The following PCCA variants were observed in gnomAD, a reference collection of about 807,000 sequenced individuals.
PCCA encodes the protein propionyl-CoA carboxylase subunit alpha.
Under a neutral mutation model 101.3 loss-of-function variants are expected in PCCA, and 74 were observed. That is an observed-to-expected ratio of 0.73 (90% CI 0.61 to 0.89). The LOEUF (loss-of-function observed/expected upper bound fraction) is 0.89. PCCA is among the 40% of genes least tolerant of loss of function. The pLI is 0.00. For synonymous variants in PCCA, 294 were observed against 313.6 expected, an observed-to-expected ratio of 0.94 and a Z score of 0.66; for missense variants, 891 against 907.0, an observed-to-expected ratio of 0.98 and a Z score of 0.23.
chr13:100,425,077 A>G (rs778231028), intron 19 of PCCA, among the ~76,000 whole-genome samples: 1 of 151,986 alleles, frequency 6.6e-6, no homozygotes, highest in Non-Finnish European at 1.5e-5. Context: ...TTCATGAAGG[A>G]TGACTGGATG....
At chr13:100,486,718 G>C (rs951456001) in intron 21 of PCCA, among the ~76,000 whole-genome samples, 1 of 152,184 alleles carries the variant, frequency 6.6e-6, no homozygotes, top group Non-Finnish European at 1.5e-5. Context: ...TTTGCGACTA[G>C]ACTGGGCAAC....
At chr13:100,299,128 C>T (rs2065858874) in intron 12 of PCCA, among the ~76,000 whole-genome samples, 1 of 152,110 alleles carries the variant, frequency 6.6e-6, no homozygotes, top group Admixed American at 6.6e-5. Flanking sequence ...TTACCTTTAG[C>T]AGCTTGTTAT....
chr13:100,239,212 AT>A (rs1218852435), intron 8 of PCCA, among the ~76,000 whole-genome samples: 1 of 152,190 alleles, frequency 6.6e-6, no homozygotes, highest in Non-Finnish European at 1.5e-5. Flanking sequence ...TTTTGTTTAC[AT>A]TTAAGGAAAC....
chr13:100,330,645 C>T lies in PCCA; in HGVS notation c.1514C>T (p.Ser505Phe), dbSNP rs746804314. The T allele has an allele frequency of 6.2e-7, 1 of 1,608,404 alleles. No individual in the cohort carries two copies. The highest frequency in any genetic ancestry group is 2.2e-5 in the East Asian group (1 of 44,748). Residue 505 changes from serine (S) to phenylalanine (F), a missense_variant, in exon 17 of 24, where the codon TCC (serine) becomes TTC (phenylalanine). Physicochemically the swap from Ser to Phe is radical, Grantham distance 155. Transcript: ENST00000376285. Reference sequence around the variant, plus strand: ...GGAGACATCAGCACTAAATTTCTCTCCGATGTGTATCCTGATGGCTTCAAA... The same window carrying T: ...GGAGACATCAGCACTAAATTTCTCTTCGATGTGTATCCTGATGGCTTCAAA... Reference protein sequence around the residue: ...VKGDISTKFLSDVYPDGFKGH... With the variant: ...VKGDISTKFLFDVYPDGFKGH...
At chr13:100,253,493 C>T (rs556123095) in intron 8 of PCCA, among the ~76,000 whole-genome samples, 1 of 152,234 alleles carries the variant, frequency 6.6e-6, no homozygotes, top group African/African-American at 2.4e-5. Context: ...GAAAGTAAGA[C>T]GCACTGGTAG....
intron 8 of PCCA, among the ~76,000 whole-genome samples, chr13:100,252,510 T>C (rs1395253772): frequency 6.6e-6 from 1 of 152,234 alleles, no homozygotes; most frequent in Non-Finnish European, 1.5e-5. Context: ...ATAAGATTCT[T>C]TATTATACAG....
Position 100,110,447 on chromosome 13 carries a change from CTTAAAG to C in PCCA, c.184-1388_184-1383del, listed in dbSNP as rs201457592. 1.5e-3 allele frequency among the ~76,000 whole-genome samples: 231 copies of C among 152,234 alleles called. 2 individuals carry two copies. The highest frequency in any genetic ancestry group is 4.8e-3 in the African/African-American group (201 of 41,524). On this transcript the variant is annotated intron_variant, in intron 2 of 23. Transcript: ENST00000376285. ...ATCAAGGCCTACAGAGATTGATTTA[CTTAAAG>C]TTAAATAGGTCATTAGTGGCAAAGC... is the stretch of plus-strand genomic sequence containing the variant.
intron 19 of PCCA, among the ~76,000 whole-genome samples, 197 bp from the exon 20 acceptor site, chr13:100,425,436 A>G (rs1434756314): frequency 6.6e-6 from 1 of 152,254 alleles, no homozygotes; most frequent in Non-Finnish European, 1.5e-5. Context: ...AGCTGTTCAC[A>G]GGTCCTTCAC....
intron 14 of PCCA, 88 bp from the exon 15 acceptor site, chr13:100,307,104 C>G (rs2066510679): frequency 1.2e-6 from 1 of 825,366 alleles, no homozygotes; most frequent in African/African-American, 1.7e-5. Flanking sequence ...ATTCTCTATC[C>G]ATTTTCTCCA....
intron 7 of PCCA, among the ~76,000 whole-genome samples, chr13:100,232,763 C>G (rs974839957): frequency 3.9e-5 from 6 of 152,084 alleles, no homozygotes; most frequent in Non-Finnish European, 8.8e-5. Context: ...CAAGTTCTCC[C>G]TAGTATTCTT....
intron 4 of PCCA, among the ~76,000 whole-genome samples, chr13:100,120,186 T>TC (rs1377282245): frequency 6.6e-6 from 1 of 151,164 alleles, no homozygotes; most frequent in African/African-American, 2.4e-5. Context: ...ACTTTTTTTT[T>TC]TTTTTTTTTT....
chr13:100,158,649 A>C (rs2054111439), intron 6 of PCCA, among the ~76,000 whole-genome samples: 1 of 152,248 alleles, frequency 6.6e-6, no homozygotes, highest in Non-Finnish European at 1.5e-5. Context: ...TTAGATGTGT[A>C]TGTGTGTATA....
At chr13:100,146,100 C>T (rs956170078) in intron 4 of PCCA, among the ~76,000 whole-genome samples, 17 of 150,192 alleles carry the variant, frequency 1.1e-4, no homozygotes, top group Non-Finnish European at 1.6e-4. Context: ...CCACCACACT[C>T]GGCTAATTTT....
intron 20 of PCCA, among the ~76,000 whole-genome samples, chr13:100,446,837 T>C (rs2080867298): frequency 6.6e-6 from 1 of 152,244 alleles, no homozygotes; most frequent in Non-Finnish European, 1.5e-5. Flanking sequence ...TTCTGTAACA[T>C]AATTTTTTAC....
intron 19 of PCCA, among the ~76,000 whole-genome samples, chr13:100,399,884 C>T (rs1316365428): frequency 6.6e-6 from 1 of 152,174 alleles, no homozygotes; most frequent in East Asian, 1.9e-4. Flanking sequence ...CACTACCTCC[C>T]TTCCCAGTGC....
chr13:100,369,236 C>T (rs559451153), intron 19 of PCCA, among the ~76,000 whole-genome samples: 86 of 152,230 alleles, frequency 5.6e-4, no homozygotes, highest in Non-Finnish European at 9.3e-4. Context: ...AAGGAGGTTG[C>T]TATTAATATA....
intron 10 of PCCA, among the ~76,000 whole-genome samples, chr13:100,266,787 G>A (rs936852241): frequency 1.3e-5 from 2 of 151,936 alleles, no homozygotes; most frequent in Non-Finnish European, 2.9e-5. Flanking sequence ...GCATTTCCTG[G>A]GTTGGGTCTA....
At chr13:100,378,659 T>G (rs1242844366) in intron 19 of PCCA, among the ~76,000 whole-genome samples, 1 of 152,208 alleles carries the variant, frequency 6.6e-6, no homozygotes, top group Non-Finnish European at 1.5e-5. Flanking sequence ...GACTGCATTA[T>G]TTCAAAAGAC....
intron 20 of PCCA, among the ~76,000 whole-genome samples, chr13:100,443,425 C>T (rs2080528198): frequency 6.7e-6 from 1 of 149,812 alleles, no homozygotes; most frequent in South Asian, 2.1e-4. Context: ...GCACTCCAGC[C>T]TGGGTGACAG....
Sources: allele counts gnomAD v4.1 joint callset (sites outside exome capture counted in the v4.1 genomes callset), GRCh38; gene constraint gnomAD v4.1.1; transcripts MANE v1.5; gene names NCBI Gene and HGNC (gene_info 2026-07-23, HGNC 2026-07-21).